Variants in SPG11 observed in about 807,000 individuals in gnomAD.
SPG11 encodes SPG11 vesicle trafficking associated, spatacsin.
Under a neutral mutation model 274.0 loss-of-function variants are expected in SPG11, and 222 were observed. The observed-to-expected ratio is 0.81, with a 90% CI of 0.73 to 0.91. The LOEUF (loss-of-function observed/expected upper bound fraction) is 0.91, where lower values mean the gene tolerates loss of function less well. Among genes scored for constraint, SPG11 ranks in the 40% least tolerant of loss-of-function variants. The pLI is 0.00. For synonymous variants in SPG11, 1,144 were observed against 1,039.7 expected (o/e 1.10, Z -1.93); for missense variants, 3,114 against 2,872.7 (o/e 1.08, Z -1.92).
rs1054608233 is a variant in SPG11 at position 44,594,456 on chromosome 15, C to T, written c.4635+803G>A. ...AAAAACAAAAACAAAAAACAAAAAA[C>T]CACCCTGGGCCAGGTGTGGTGACTG... is the stretch of plus-strand genomic sequence containing the variant. On this transcript the variant is annotated intron_variant, in intron 26 of 39. Transcript: ENST00000261866. Among the ~76,000 whole-genome samples the T allele has an allele frequency of 2.6e-5, 4 of 151,784 alleles. No individual in the cohort carries two copies. The East Asian group carries it at 7.8e-4, about 30-fold the overall frequency.
intron 7 of SPG11, among the ~76,000 whole-genome samples, chr15:44,646,940 T>C (rs1244428312): frequency 2.0e-5 from 3 of 152,268 alleles, no homozygotes; most frequent in African/African-American, 4.8e-5. Flanking sequence ...AATTTACCTA[T>C]GTGACAAACC....
chr15:44,578,326 T>C (rs945193679), intron 30 of SPG11, among the ~76,000 whole-genome samples: 3 of 151,818 alleles, frequency 2.0e-5, no homozygotes, highest in Non-Finnish European at 4.4e-5. Context: ...CCACCGCGCC[T>C]GGCCAGAGGA....
Position 44,587,718 on chromosome 15 carries a change from A to AAAAAAAAAAAAC in SPG11, c.4906+1533_4906+1534insGTTTTTTTTTTT, listed in dbSNP as rs1567141736. On this transcript the variant is annotated intron_variant, in intron 28 of 39. Transcript: ENST00000261866. ...CAAAAAAAAAAAAAAAAAAAAAAAA[A>AAAAAAAAAAAAC]AACGTATTCCTGTTCTCTAAGCAAA... is the stretch of plus-strand genomic sequence containing the variant. 2.1e-4 allele frequency among the ~76,000 whole-genome samples: 31 copies of AAAAAAAAAAAAC among 148,726 alleles called. 1 individual carries two copies. Among genetic ancestry groups the AAAAAAAAAAAAC allele is most frequent in the African/African-American group, 7.2e-4 (28 of 38,972 alleles).
At chr15:44,576,425 G>C (rs1054291132) in intron 30 of SPG11, among the ~76,000 whole-genome samples, 1 of 151,776 alleles carries the variant, frequency 6.6e-6, no homozygotes, top group African/African-American at 2.4e-5. Context: ...GAGGTGGGCG[G>C]ATCACAAGGT....
intron 30 of SPG11, among the ~76,000 whole-genome samples, chr15:44,578,019 C>CTTTTTTT (rs1179057683): frequency 1.3e-4 from 15 of 117,566 alleles, no homozygotes; most frequent in East Asian, 9.5e-4. Context: ...GCCTTCTTTC[C>CTTTTTTT]TTTTTTTTTT....
intron 11 of SPG11, 123 bp downstream of exon 11, chr15:44,626,208 T>C (rs980937212): frequency 1.2e-6 from 1 of 817,604 alleles, no homozygotes; most frequent in African/African-American, 1.7e-5. Context: ...CATTATTTCT[T>C]AGTGTCATTA....
intron 17 of SPG11, 84 bp downstream of exon 17, chr15:44,613,346 A>G (rs1567163040): frequency 2.2e-6 from 2 of 901,270 alleles, no homozygotes; most frequent in Admixed American, 1.9e-5. Context: ...AATTTATTTA[A>G]AAGAGTTCAC....
chr15:44,634,945 G>A (rs1038435526), intron 7 of SPG11, among the ~76,000 whole-genome samples: 2 of 152,120 alleles, frequency 1.3e-5, no homozygotes, highest in East Asian at 1.9e-4. Context: ...ATGGCCAGGT[G>A]TGGTGGCTCA....
At position 44,583,997 on chromosome 15, in the gene SPG11, T is replaced by C; in HGVS notation, c.5683A>G (p.Ser1895Gly). Residue 1895 changes from serine to glycine, a missense_variant, in exon 30 of 40, where the codon AGT (serine) becomes GGT (glycine). Coordinates refer to ENST00000261866, the MANE Select transcript of SPG11 (RefSeq NM_025137.4). ...AAATGAAAATACCGGCATACTCTAC[T>C]TGCTTCATGCACACAGCCATCATCC... The part of the protein sequence containing the change: ...LLDDGCVHEA[S>G]RVCRYFHFYN... 1 of 1,614,208 alleles carries C rather than the reference T, an allele frequency of 6.2e-7. No individual in the cohort carries two copies. Among genetic ancestry groups the C allele is most frequent in the Non-Finnish European group, 8.5e-7 (1 of 1,180,044 alleles).
At chr15:44,607,920 A>G (rs955920846) in intron 19 of SPG11, among the ~76,000 whole-genome samples, 4 of 152,226 alleles carry the variant, frequency 2.6e-5, no homozygotes, top group Admixed American at 2.6e-4. Context: ...AACAGCAGAC[A>G]GGTATGCTGG....
chr15:44,637,955 C>T (rs1026863587), intron 7 of SPG11, among the ~76,000 whole-genome samples: 3 of 152,010 alleles, frequency 2.0e-5, no homozygotes, highest in Non-Finnish European at 2.9e-5. Context: ...ACAGTGATAT[C>T]GATGATCCTA....
intron 39 of SPG11, among the ~76,000 whole-genome samples, 162 bp from the exon 40 acceptor site, chr15:44,563,463 C>A (rs184875100): frequency 1.3e-5 from 2 of 151,724 alleles, no homozygotes; most frequent in Non-Finnish European, 2.9e-5. Flanking sequence ...CTCAGCCTCC[C>A]GAGTAGGTGG....
At chr15:44,597,106 GATT>G in intron 23 of SPG11, 163 bp from the exon 24 acceptor site, 1 of 408,838 alleles carries the variant, frequency 2.4e-6, no homozygotes, top group Non-Finnish European at 4.4e-6. Context: ...GAAAAAAGTA[GATT>G]CTTTTTTTTT....
chr15:44,622,498 G>T, intron 12 of SPG11, 151 bp from the exon 13 acceptor site: 1 of 779,386 alleles, frequency 1.3e-6, no homozygotes, highest in Non-Finnish European at 2.0e-6. Flanking sequence ...ATTATATTTT[G>T]AACATTTGAG....
chr15:44,595,379 G>A lies in SPG11; in HGVS notation c.4515C>T (p.His1505=). The change falls in exon 26 of 40, where the codon CAC becomes CAT. Residue 1505 remains histidine (H), a synonymous_variant. Coordinates refer to ENST00000261866, the MANE Select transcript of SPG11 (RefSeq NM_025137.4). ...EDNVATEAMG[H]IQDSTEDHTW... is the part of the protein sequence containing the mutation. The stretch of plus-strand genomic sequence containing the variant: ...TATGGTCCTCTGTTGAGTCCTGAAT[G>A]TGTCCCATTGCTTCAGTTGCAACAT... 1 of 1,614,202 alleles carries A rather than the reference G, an allele frequency of 6.2e-7. No homozygotes were observed. The highest frequency in any genetic ancestry group is 8.5e-7 in the Non-Finnish European group (1 of 1,180,030).
Position 44,663,451 on chromosome 15 carries a change from A to G in SPG11, c.197T>C (p.Leu66Pro). 2 of 1,601,080 alleles carry G rather than the reference A, an allele frequency of 1.2e-6. No individual in the cohort carries two copies. Among genetic ancestry groups the G allele is most frequent in the East Asian group, 2.3e-5 (1 of 44,222 alleles). ...GCCCCGGCTGCCAGGCGTCAAAGAA[A>G]GCACTTGGAGGCTGCCCGCAGCCGT... ...SLTAAGSLQV[L>P]SLTPGSRGGG... is the part of the protein sequence containing the mutation. Residue 66 changes from leucine (L) to proline (P), a missense_variant, in exon 1 of 40, where the codon CTT becomes CCT. By Grantham distance (98) the Leu-to-Pro change is moderately conservative. Transcript: ENST00000261866.
rs951625974 is a variant in SPG11, at chr15:44,567,560, G to A, written c.6618C>T (p.Tyr2206=). 1.2e-6 allele frequency: 2 copies of A among 1,614,020 alleles called. No homozygotes were observed. Among genetic ancestry groups the A allele is most frequent in the Non-Finnish European group, 1.7e-6 (2 of 1,179,980 alleles). Reference sequence around the variant, plus strand: ...TGTCTCCAGGACGGCAGCGTTTGATGTAGTCCAGCAGGGCTGTTTTCAGGG... The same window carrying A: ...TGTCTCCAGGACGGCAGCGTTTGATATAGTCCAGCAGGGCTGTTTTCAGGG... ...SGTLKTALLD[Y]IKRCRPGDSE... is the part of the protein sequence containing the mutation. Residue 2206 remains tyrosine (Y), a synonymous_variant, in exon 36 of 40, where the codon TAC becomes TAT. Coordinates refer to ENST00000261866, the MANE Select transcript of SPG11 (RefSeq NM_025137.4).
chr15:44,570,546 GGGGGCCA>G lies in SPG11; in HGVS notation c.6449_6455del (p.Leu2150ProfsTer21), dbSNP rs1304713296. On this transcript the variant is annotated frameshift_variant, in exon 34 of 40. Transcript: ENST00000261866. LOFTEE classifies it high-confidence loss of function. ...TTACCACCAGCCCATACTCCTCACT[GGGGGCCA>G]GGTGGTTATCTGTGAGCATGTGGGC... 6.2e-7 allele frequency: 1 copy of G among 1,614,136 alleles called. No individual in the cohort carries two copies. The highest frequency in any genetic ancestry group is 8.5e-7 in the Non-Finnish European group (1 of 1,180,010).
intron 30 of SPG11, among the ~76,000 whole-genome samples, chr15:44,580,256 C>T (rs1002648997): frequency 2.0e-5 from 3 of 152,212 alleles, no homozygotes; most frequent in East Asian, 1.9e-4. Flanking sequence ...AGCCCAGGAT[C>T]GGTAGGCTAT....
Sources: allele counts gnomAD v4.1 joint callset (sites outside exome capture counted in the v4.1 genomes callset), GRCh38; gene constraint gnomAD v4.1.1; transcripts MANE v1.5; gene names NCBI Gene and HGNC (gene_info 2026-07-23, HGNC 2026-07-21).